Variants in COX7B2 observed in about 807,000 individuals in gnomAD.
COX7B2 encodes cytochrome c oxidase subunit 7B2, mitochondrial.
For synonymous variants in COX7B2, 37 were observed against 32.1 expected (o/e 1.15, Z -0.51); for missense variants, 109 against 95.9 (o/e 1.14, Z -0.57).
chr4:46,756,753 T>C (rs926451332), intron 2 of COX7B2, among the ~76,000 whole-genome samples: 4 of 152,060 alleles, frequency 2.6e-5, no homozygotes, highest in African/African-American at 9.7e-5. Flanking sequence ...GATACTATCG[T>C]ATAGCAGTCA....
At chr4:46,822,007 G>T (rs1714334259) in intron 2 of COX7B2, among the ~76,000 whole-genome samples, 1 of 152,178 alleles carries the variant, frequency 6.6e-6, no homozygotes, top group Non-Finnish European at 1.5e-5. Context: ...TACTTCCTGG[G>T]TTCAAGCGAT....
At chr4:46,905,941 T>C (rs1238222712) in intron 1 of COX7B2, among the ~76,000 whole-genome samples, 1 of 141,672 alleles carries the variant, frequency 7.1e-6, no homozygotes, top group Non-Finnish European at 1.5e-5. Context: ...GCCATTCTCC[T>C]TCCTCAGCCT....
chr4:46,740,514 T>G (rs1268902645), intron 2 of COX7B2, among the ~76,000 whole-genome samples: 3 of 152,100 alleles, frequency 2.0e-5, no homozygotes, highest in African/African-American at 7.2e-5. Flanking sequence ...GAAATAACTT[T>G]AAGAAGATTC....
intron 2 of COX7B2, among the ~76,000 whole-genome samples, chr4:46,751,612 T>C (rs989099540): frequency 4.6e-5 from 7 of 152,122 alleles, no homozygotes. Context: ...CACAAGCCTA[T>C]ATACTTGTAG....
intron 2 of COX7B2, among the ~76,000 whole-genome samples, chr4:46,764,028 C>G (rs1277852960): frequency 6.6e-6 from 1 of 152,124 alleles, no homozygotes; most frequent in Non-Finnish European, 1.5e-5. Flanking sequence ...ACAATATACT[C>G]AGGTAAGGGA....
intron 1 of COX7B2, among the ~76,000 whole-genome samples, chr4:46,861,853 C>T (rs1327390754): frequency 3.9e-5 from 6 of 152,136 alleles, no homozygotes; most frequent in African/African-American, 9.7e-5. Flanking sequence ...GAGTGTCCTC[C>T]GTCCCATGAT....
intron 1 of COX7B2, among the ~76,000 whole-genome samples, chr4:46,895,493 T>C (rs960987026): frequency 4.6e-5 from 7 of 151,728 alleles, no homozygotes; most frequent in African/African-American, 1.7e-4. Flanking sequence ...TACTTGAGGG[T>C]GGAGAGTAAG....
At chr4:46,750,632 C>T (rs1319867027) in intron 2 of COX7B2, among the ~76,000 whole-genome samples, 4 of 152,142 alleles carry the variant, frequency 2.6e-5, no homozygotes, top group South Asian at 4.1e-4. Context: ...TTTGATACCA[C>T]TTCTTCAGTC....
chr4:46,878,062 TA>T (rs943672295), intron 1 of COX7B2, among the ~76,000 whole-genome samples: 26 of 149,504 alleles, frequency 1.7e-4, no homozygotes, highest in African/African-American at 5.4e-4. Context: ...TACTCACCCT[TA>T]AAAAAAAAGG....
chr4:46,865,279 A>C (rs1475506258), intron 1 of COX7B2, among the ~76,000 whole-genome samples: 1 of 152,098 alleles, frequency 6.6e-6, no homozygotes, highest in East Asian at 1.9e-4. Context: ...AGAAGACATT[A>C]TTTTGTTCCT....
intron 1 of COX7B2, among the ~76,000 whole-genome samples, chr4:46,887,635 C>T (rs1486099931): frequency 4.7e-5 from 7 of 147,690 alleles, no homozygotes; most frequent in South Asian, 4.3e-4. Flanking sequence ...GGCATGAACC[C>T]GGAAGGCGGA....
chr4:46,740,805 C>G (rs914022462), intron 2 of COX7B2, among the ~76,000 whole-genome samples: 2 of 152,040 alleles, frequency 1.3e-5, no homozygotes, highest in Non-Finnish European at 2.9e-5. Context: ...AAGTAAGTTA[C>G]TCTAACTAAA....
intron 2 of COX7B2, among the ~76,000 whole-genome samples, chr4:46,820,305 G>C (rs758422966): frequency 4.5e-4 from 68 of 152,096 alleles, no homozygotes; most frequent in Admixed American, 1.8e-3. Flanking sequence ...CAGGGTTTCC[G>C]GTCCCATGAG....
At chr4:46,766,375 A>G (rs948669149) in intron 2 of COX7B2, among the ~76,000 whole-genome samples, 2 of 152,164 alleles carry the variant, frequency 1.3e-5, no homozygotes, top group African/African-American at 4.8e-5. Context: ...GTACAGTGTG[A>G]CACCTTTTTT....
chr4:46,795,050 G>GT (rs1718252103), intron 2 of COX7B2, among the ~76,000 whole-genome samples: 1 of 139,398 alleles, frequency 7.2e-6, no homozygotes, highest in African/African-American at 3.2e-5. Context: ...GGGGTTGTTT[G>GT]TTTTTTTCTT....
At chr4:46,906,821 C>A (rs1442239047) in intron 1 of COX7B2, among the ~76,000 whole-genome samples, 1 of 152,176 alleles carries the variant, frequency 6.6e-6, no homozygotes, top group African/African-American at 2.4e-5. Flanking sequence ...TCTATTTAAG[C>A]CTGAATTTAT....
chr4:46,881,490 T>C (rs982087156), intron 1 of COX7B2, among the ~76,000 whole-genome samples: 4 of 152,114 alleles, frequency 2.6e-5, no homozygotes, highest in Non-Finnish European at 4.4e-5. Flanking sequence ...CGGCTGAACA[T>C]GGTGGCTTAC....
chr4:46,841,997 A>T (rs1259340240), intron 2 of COX7B2, among the ~76,000 whole-genome samples: 1 of 152,032 alleles, frequency 6.6e-6, no homozygotes, highest in Non-Finnish European at 1.5e-5. Flanking sequence ...AACAAAAAAC[A>T]CAAAATAAAT....
chr4:46,804,830 C>T (rs1718904296), intron 2 of COX7B2, among the ~76,000 whole-genome samples: 1 of 152,364 alleles, frequency 6.6e-6, no homozygotes, highest in Admixed American at 6.5e-5. Context: ...CGTGTGCCTG[C>T]ACTCCTCAGC....
Sources: allele counts gnomAD v4.1 joint callset (sites outside exome capture counted in the v4.1 genomes callset), GRCh38; gene constraint gnomAD v4.1.1; transcripts MANE v1.5; gene names NCBI Gene and HGNC (gene_info 2026-07-23, HGNC 2026-07-21).